The following PLCB1 variants were observed in gnomAD, a reference collection of about 807,000 sequenced individuals.
PLCB1 encodes the protein 1-phosphatidylinositol 4,5-bisphosphate phosphodiesterase beta-1.
A neutral mutation model predicts 161.8 loss-of-function variants in PLCB1; 46 were observed. That is an observed-to-expected ratio of 0.28 (90% CI 0.22 to 0.36). The LOEUF (loss-of-function observed/expected upper bound fraction) is 0.36, where lower values mean the gene tolerates loss of function less well. Ranked by LOEUF, PLCB1 falls within the 10% of genes least tolerant of loss-of-function variation. The pLI, the probability that PLCB1 is intolerant of heterozygous loss-of-function variation, is 1.00. For synonymous variants in PLCB1, 517 were observed against 503.7 expected (o/e 1.03, Z -0.35); for missense variants, 1,016 against 1,472.5 (o/e 0.69, Z 5.07).
chr20:8,230,905 A>G (rs1979993407), intron 2 of PLCB1, among the ~76,000 whole-genome samples: 3 of 152,020 alleles, frequency 2.0e-5, no homozygotes, highest in Admixed American at 2.0e-4. Context: ...CCCCCAAACC[A>G]TGGTGCACCA....
chr20:8,278,301 A>T (rs1339407966), intron 2 of PLCB1, among the ~76,000 whole-genome samples: 1 of 142,480 alleles, frequency 7.0e-6, no homozygotes, highest in Non-Finnish European at 1.5e-5. Flanking sequence ...ATAATATATA[A>T]AAATATATAT....
At chr20:8,446,659 A>T (rs1283661172) in intron 3 of PLCB1, among the ~76,000 whole-genome samples, 1 of 152,180 alleles carries the variant, frequency 6.6e-6, no homozygotes, top group Non-Finnish European at 1.5e-5. Flanking sequence ...TCGAAAACCC[A>T]ATCGTCTCAG....
chr20:8,411,063 T>C (rs1359333134), intron 3 of PLCB1, among the ~76,000 whole-genome samples: 2 of 152,242 alleles, frequency 1.3e-5, no homozygotes, highest in Non-Finnish European at 2.9e-5. Flanking sequence ...CCACCAAGTA[T>C]GTGGCAATTT....
At chr20:8,217,807 T>C (rs1359785849) in intron 2 of PLCB1, among the ~76,000 whole-genome samples, 2 of 152,080 alleles carry the variant, frequency 1.3e-5, no homozygotes, top group Non-Finnish European at 1.5e-5. Context: ...GGGATAGTTA[T>C]TGCGGAAGTG....
At chr20:8,493,230 C>T (rs1983021928) in intron 3 of PLCB1, among the ~76,000 whole-genome samples, 1 of 152,110 alleles carries the variant, frequency 6.6e-6, no homozygotes, top group African/African-American at 2.4e-5. Context: ...TGATTTCTCT[C>T]ATTTCTGGTC....
At chr20:8,327,990 A>G (rs1985224566) in intron 2 of PLCB1, among the ~76,000 whole-genome samples, 1 of 152,118 alleles carries the variant, frequency 6.6e-6, no homozygotes, top group Non-Finnish European at 1.5e-5. Context: ...AACACACACA[A>G]ATCACACAAA....
At chr20:8,594,471 A>C (rs1394333752) in intron 3 of PLCB1, among the ~76,000 whole-genome samples, 1 of 152,138 alleles carries the variant, frequency 6.6e-6, no homozygotes, top group Non-Finnish European at 1.5e-5. Context: ...CTGATGAAGT[A>C]GGTTAGGGGC....
At chr20:8,659,933 A>T (rs955027696) in intron 9 of PLCB1, among the ~76,000 whole-genome samples, 3 of 149,432 alleles carry the variant, frequency 2.0e-5, no homozygotes, top group African/African-American at 7.4e-5. Context: ...CAGAGGTTGC[A>T]GTGAGCCGAG....
At chr20:8,373,273 G>A (rs1016754086) in intron 3 of PLCB1, among the ~76,000 whole-genome samples, 2 of 151,902 alleles carry the variant, frequency 1.3e-5, no homozygotes, top group African/African-American at 4.8e-5. Context: ...TATTGCTGAT[G>A]TTCAAGAACC....
At chr20:8,328,416 C>T (rs1392049613) in intron 2 of PLCB1, among the ~76,000 whole-genome samples, 2 of 151,900 alleles carry the variant, frequency 1.3e-5, no homozygotes, top group Non-Finnish European at 2.9e-5. Context: ...CTTCTCTTGT[C>T]GCTGTGTTGG....
chr20:8,762,738 T>C (rs1356401916), intron 25 of PLCB1, among the ~76,000 whole-genome samples: 2 of 152,214 alleles, frequency 1.3e-5, no homozygotes, highest in Non-Finnish European at 2.9e-5. Flanking sequence ...AGAGATCGAA[T>C]GTCAGGAGAA....
chr20:8,705,063 C>T (rs908470893), intron 11 of PLCB1, among the ~76,000 whole-genome samples: 4 of 147,500 alleles, frequency 2.7e-5, no homozygotes, highest in African/African-American at 5.1e-5. Flanking sequence ...CTGCTTAACT[C>T]GGTCTACCAA....
intron 2 of PLCB1, among the ~76,000 whole-genome samples, chr20:8,168,992 G>C (rs2051704935): frequency 6.6e-6 from 1 of 152,094 alleles, no homozygotes. Context: ...AAGTTTGGTA[G>C]ATTTTGTCAA....
At chr20:8,244,119 G>A (rs1315382138) in intron 2 of PLCB1, among the ~76,000 whole-genome samples, 1 of 151,878 alleles carries the variant, frequency 6.6e-6, no homozygotes, top group African/African-American at 2.4e-5. Context: ...ACCACATTTG[G>A]CAAAGATATA....
At chr20:8,217,476 G>GA (rs1979193659) in intron 2 of PLCB1, among the ~76,000 whole-genome samples, 1 of 152,258 alleles carries the variant, frequency 6.6e-6, no homozygotes, top group African/African-American at 2.4e-5. Flanking sequence ...GAGCAGCACA[G>GA]AGGCTTCCAG....
At chr20:8,586,335 CTTTTTT>C (rs1249804800) in intron 3 of PLCB1, among the ~76,000 whole-genome samples, 1 of 148,382 alleles carries the variant, frequency 6.7e-6, no homozygotes, top group Admixed American at 6.9e-5. Flanking sequence ...TCTTCTTTTT[CTTTTTT>C]ATTTATTTAT....
rs547552662 is a variant in PLCB1, at chr20:8,360,623, A to T, written c.178-10759A>T. ...GTGAATGTTCTTCTCAGGAAAATTC[A>T]TTAAGCATGATGTTCCCTTTTAGAC... On this transcript the variant is annotated intron_variant, in intron 2 of 31. Transcript: ENST00000338037. Among the ~76,000 whole-genome samples the T allele has an allele frequency of 1.4e-4, 21 of 152,320 alleles. 1 individual carries two copies. In the South Asian group the frequency reaches 4.1e-3, roughly 30 times the overall value.
Position 8,162,789 on chromosome 20 carries a change from A to G in PLCB1, c.177+12418A>G, listed in dbSNP as rs530347972. ...GAGCTAGTTGCTATGCTAAGAAACTAATGACTGTGCTGGTATACATAATGG... is the reference window on the plus strand; with the variant it reads ...GAGCTAGTTGCTATGCTAAGAAACTGATGACTGTGCTGGTATACATAATGG... On this transcript the variant is annotated intron_variant, in intron 2 of 31. Transcript: ENST00000338037. Among the ~76,000 whole-genome samples the G allele has an allele frequency of 1.3e-3, 194 of 152,362 alleles. 1 individual carries two copies. The highest frequency in any genetic ancestry group is 4.4e-3 in the African/African-American group (185 of 41,596).
At chr20:8,877,824 AAG>A (rs1160859975) in intron 31 of PLCB1, among the ~76,000 whole-genome samples, 6 of 152,364 alleles carry the variant, frequency 3.9e-5, no homozygotes, top group Admixed American at 3.9e-4. Flanking sequence ...GCTGTTTAAA[AAG>A]AGTGAAATAT....
Sources: gnomAD v4.1 joint callset for allele counts (sites outside exome capture counted in the v4.1 genomes callset) on GRCh38, gnomAD v4.1.1 for gene constraint, MANE v1.5 for transcripts, NCBI Gene and HGNC (gene_info 2026-07-23, HGNC 2026-07-21) for gene names.